Variants in PARD3B observed in about 807,000 individuals in gnomAD.
PARD3B encodes par-3 family cell polarity regulator beta, also known as partitioning defective 3 homolog B.
Under a neutral mutation model 130.2 loss-of-function variants are expected in PARD3B, and 103 were observed. The ratio of observed to expected loss-of-function variants is 0.79; its 90% CI spans 0.67 to 0.93. The LOEUF (loss-of-function observed/expected upper bound fraction) is 0.93. Ranked by LOEUF, PARD3B falls within the 40% of genes least tolerant of loss-of-function variation. The pLI is 0.00. For missense variants in PARD3B, 1,609 were observed against 1,499.2 expected, an observed-to-expected ratio of 1.07 and a Z score of -1.21; for synonymous variants, 583 against 553.2, an observed-to-expected ratio of 1.05 and a Z score of -0.76.
chr2:204,628,009 A>C (rs1010980588), intron 1 of PARD3B, among the ~76,000 whole-genome samples: 26 of 147,234 alleles, frequency 1.8e-4, no homozygotes, highest in Non-Finnish European at 3.0e-4. Context: ...TTAGCTGATT[A>C]GTGATCATTA....
At chr2:205,298,234 C>A (rs2041864755) in intron 16 of PARD3B, among the ~76,000 whole-genome samples, 1 of 152,140 alleles carries the variant, frequency 6.6e-6, no homozygotes, top group Non-Finnish European at 1.5e-5. Context: ...CACTAAACTT[C>A]ATGTCAGACA....
chr2:205,221,336 C>G (rs1489741144), intron 15 of PARD3B, among the ~76,000 whole-genome samples: 1 of 152,198 alleles, frequency 6.6e-6, no homozygotes, highest in Non-Finnish European at 1.5e-5. Flanking sequence ...ACCACCGGCT[C>G]TCCGTAAACA....
intron 20 of PARD3B, among the ~76,000 whole-genome samples, chr2:205,483,955 C>T (rs567716342): frequency 2.9e-4 from 44 of 152,212 alleles, no homozygotes; most frequent in Non-Finnish European, 4.3e-4. Context: ...CATAACACAA[C>T]GCCATTCCAC....
rs780525901 is a variant in PARD3B at position 204,546,159 on chromosome 2, A to G, written c.120+40A>G. The G allele has an allele frequency of 8.3e-5, 129 of 1,548,480 alleles. 1 individual carries two copies. In the Middle Eastern group the frequency reaches 1.3e-3, roughly 16 times the overall value. On this transcript the variant is annotated intron_variant, in intron 1 of 22. Transcript: ENST00000406610. ...GAGGAGTGGGGCGCGGCTGCAGCCA[A>G]GGCACCTGCCAGGTGCGACCCGGTG...
chr2:204,676,590 A>G (rs1246203467), intron 1 of PARD3B, among the ~76,000 whole-genome samples: 2 of 151,458 alleles, frequency 1.3e-5, no homozygotes, highest in African/African-American at 2.4e-5. Flanking sequence ...AGATACGGCT[A>G]TCTAGCCTTT....
chr2:205,503,091 CT>C (rs2050218403), intron 21 of PARD3B, among the ~76,000 whole-genome samples: 1 of 151,768 alleles, frequency 6.6e-6, no homozygotes. Context: ...CTCCTCTCCC[CT>C]GACTCCTATT....
chr2:205,449,559 G>A (rs758867835), intron 20 of PARD3B, among the ~76,000 whole-genome samples: 3 of 151,990 alleles, frequency 2.0e-5, no homozygotes, highest in Admixed American at 6.6e-5. Context: ...TCTAATTTTC[G>A]TAAATAATGT....
rs1437546417 is a variant in PARD3B, at chr2:204,677,715, C to T, written c.121-8466C>T. The stretch of plus-strand genomic sequence containing the variant: ...ATAATAATATTTTTAGCAGACTCAT[C>T]ACTGTTGACTTGTTAAAGCCTGTGG... On this transcript the variant is annotated intron_variant, in intron 1 of 22. Coordinates refer to ENST00000406610, the MANE Select transcript of PARD3B (RefSeq NM_001302769.2). The surrounding 1 kb of genome is among the most constrained non-coding windows in gnomAD (Gnocchi z 4.1). Among the ~76,000 whole-genome samples the T allele has an allele frequency of 6.6e-6, 1 of 152,212 alleles. No homozygotes were observed. Among genetic ancestry groups the T allele is most frequent in the African/African-American group, 2.4e-5 (1 of 41,450 alleles).
intron 1 of PARD3B, among the ~76,000 whole-genome samples, chr2:204,553,337 G>C (rs1192554547): frequency 6.6e-6 from 1 of 152,024 alleles, no homozygotes; most frequent in East Asian, 1.9e-4. Context: ...GAAAAATAGT[G>C]TGGAGGTTCC....
At chr2:204,862,543 C>T (rs541809330) in intron 2 of PARD3B, among the ~76,000 whole-genome samples, 3 of 152,246 alleles carry the variant, frequency 2.0e-5, no homozygotes, top group South Asian at 2.1e-4. Flanking sequence ...CTCTGTAAAA[C>T]GTGAGGGTTG....
chr2:204,861,851 T>C (rs1404390494), intron 2 of PARD3B, among the ~76,000 whole-genome samples: 1 of 141,714 alleles, frequency 7.1e-6, no homozygotes, highest in East Asian at 2.0e-4. Context: ...AATGAAATGA[T>C]GGCTTCAAGG....
chr2:205,054,420 ATATATATATATATATATTTTTT>A (rs1300894861), intron 4 of PARD3B, among the ~76,000 whole-genome samples: 252 of 18,276 alleles, frequency 0.014, 20 homozygotes, highest in South Asian at 0.098. Context: ...ATATATATAT[ATATATATATATATATATTTTTT>A]TTTTTTTTTT....
intron 1 of PARD3B, among the ~76,000 whole-genome samples, chr2:204,672,433 A>G (rs1048659829): frequency 6.6e-6 from 1 of 152,194 alleles, no homozygotes; most frequent in African/African-American, 2.4e-5. Context: ...GAAATTCTCA[A>G]ACTGTTTGTG....
intron 4 of PARD3B, among the ~76,000 whole-genome samples, chr2:205,056,714 C>G (rs941580201): frequency 2.0e-5 from 3 of 151,808 alleles, no homozygotes; most frequent in African/African-American, 7.3e-5. Flanking sequence ...ACGTTTTAAG[C>G]AAAGAATGGT....
At chr2:205,175,465 AGATATTTTGTGTGACTAGCTCAACACT>A (rs1280664808) in intron 12 of PARD3B, among the ~76,000 whole-genome samples, 1 of 152,246 alleles carries the variant, frequency 6.6e-6, no homozygotes, top group Non-Finnish European at 1.5e-5. Context: ...GGAATGTTTT[AGATATTTTGTGTGACTAGCTCAACACT>A]GAATTTTTAT....
chr2:205,003,833 CAT>C (rs1206658719), intron 3 of PARD3B, among the ~76,000 whole-genome samples: 1 of 152,082 alleles, frequency 6.6e-6, no homozygotes, highest in African/African-American at 2.4e-5. Context: ...TTTTAATAAA[CAT>C]AATTTTTTTG....
intron 2 of PARD3B, among the ~76,000 whole-genome samples, chr2:204,862,999 G>A (rs770574793): frequency 9.2e-5 from 14 of 152,120 alleles, no homozygotes; most frequent in Admixed American, 2.0e-4. Flanking sequence ...GCTCCACCCC[G>A]TCCTCCCAGT....
intron 2 of PARD3B, among the ~76,000 whole-genome samples, chr2:204,929,404 TC>T (rs1470603780): frequency 2.0e-5 from 3 of 152,142 alleles, no homozygotes; most frequent in African/African-American, 7.2e-5. Flanking sequence ...TGTTGTTATT[TC>T]ACATTTATAA....
At chr2:205,362,205 A>G (rs987954978) in intron 18 of PARD3B, among the ~76,000 whole-genome samples, 3 of 152,206 alleles carry the variant, frequency 2.0e-5, no homozygotes, top group Non-Finnish European at 4.4e-5. Flanking sequence ...CTGACTTGAC[A>G]TACAAAATTG....
Sources: allele counts gnomAD v4.1 joint callset (sites outside exome capture counted in the v4.1 genomes callset), GRCh38; gene constraint gnomAD v4.1.1; non-coding constraint Gnocchi (gnomAD v3.1); transcripts MANE v1.5; gene names NCBI Gene and HGNC (gene_info 2026-07-23, HGNC 2026-07-21).